Variants in INPP4B observed in about 807,000 individuals in gnomAD.
INPP4B encodes the protein inositol polyphosphate-4-phosphatase type II B, also known as inositol polyphosphate 4-phosphatase type II.
A neutral mutation model predicts 122.5 loss-of-function variants in INPP4B; 55 were observed. The ratio of observed to expected loss-of-function variants is 0.45; its 90% CI spans 0.36 to 0.56. INPP4B has a LOEUF of 0.56. Among genes scored for constraint, INPP4B ranks in the 20% least tolerant of loss-of-function variants. The pLI, the probability that INPP4B is intolerant of heterozygous loss-of-function variation, is 0.00. For missense variants in INPP4B, 1,000 were observed against 1,097.7 expected, an observed-to-expected ratio of 0.91 and a Z score of 1.26; for synonymous variants, 403 against 388.7, an observed-to-expected ratio of 1.04 and a Z score of -0.43.
chr4:142,771,278 TG>T (rs1773021996), intron 1 of INPP4B, among the ~76,000 whole-genome samples: 1 of 152,136 alleles, frequency 6.6e-6, no homozygotes, highest in Admixed American at 6.6e-5. Context: ...TCAGATTAAG[TG>T]GGCCATTGGA....
At chr4:142,329,134 A>T (rs564861426) in intron 7 of INPP4B, among the ~76,000 whole-genome samples, 6 of 152,362 alleles carry the variant, frequency 3.9e-5, no homozygotes, top group African/African-American at 1.4e-4. Flanking sequence ...AGACATGGAC[A>T]ATATCAAAAT....
chr4:142,382,563 G>T, intron 7 of INPP4B, among the ~76,000 whole-genome samples: 1 of 108,170 alleles, frequency 9.2e-6, no homozygotes. Context: ...TTACATTTAT[G>T]TTTATATATT....
intron 8 of INPP4B, 89 bp downstream of exon 8, chr4:142,314,623 G>T: frequency 8.3e-7 from 1 of 1,206,664 alleles, no homozygotes; most frequent in Non-Finnish European, 1.2e-6. Flanking sequence ...AATTTTATTT[G>T]TCAGTTACCA....
At chr4:142,729,256 C>T (rs1324583630) in intron 1 of INPP4B, among the ~76,000 whole-genome samples, 1 of 152,186 alleles carries the variant, frequency 6.6e-6, no homozygotes, top group Non-Finnish European at 1.5e-5. Flanking sequence ...TAACAGGCCA[C>T]AGACAGTTAC....
intron 9 of INPP4B, among the ~76,000 whole-genome samples, chr4:142,294,829 C>CAAAAAAAAAAAACAAAAAAA (rs1757912206): frequency 3.5e-5 from 1 of 28,462 alleles, no homozygotes. Flanking sequence ...GACTCCGTCT[C>CAAAAAAAAAAAACAAAAAAA]AAAAAAAAAA....
At chr4:142,349,652 C>G (rs1284549632) in intron 7 of INPP4B, among the ~76,000 whole-genome samples, 1 of 151,888 alleles carries the variant, frequency 6.6e-6, no homozygotes, top group Non-Finnish European at 1.5e-5. Flanking sequence ...TATATATCCA[C>G]AAAATACTCT....
intron 1 of INPP4B, among the ~76,000 whole-genome samples, chr4:142,839,907 T>A (rs993302737): frequency 1.3e-5 from 2 of 152,224 alleles, no homozygotes; most frequent in Non-Finnish European, 2.9e-5. Context: ...AATAGCCACA[T>A]CCAGTGAACA....
chr4:142,650,163 T>C (rs578058094), intron 2 of INPP4B, among the ~76,000 whole-genome samples: 316 of 152,250 alleles, frequency 2.1e-3, no homozygotes, highest in African/African-American at 7.0e-3. Flanking sequence ...GACAAGCAAA[T>C]GCTGAGAGAT....
chr4:142,575,097 G>T (rs1418003876), intron 2 of INPP4B, among the ~76,000 whole-genome samples: 1 of 152,034 alleles, frequency 6.6e-6, no homozygotes, highest in African/African-American at 2.4e-5. Flanking sequence ...AGGATCGAAA[G>T]AAGGAAAATT....
At chr4:142,607,663 G>T (rs1032271746) in intron 2 of INPP4B, among the ~76,000 whole-genome samples, 3 of 152,088 alleles carry the variant, frequency 2.0e-5, no homozygotes, top group African/African-American at 7.2e-5. Flanking sequence ...TCTGTGTACA[G>T]ATTTATAGTA....
At chr4:142,284,023 C>A (rs537997682) in intron 9 of INPP4B, among the ~76,000 whole-genome samples, 4 of 152,030 alleles carry the variant, frequency 2.6e-5, no homozygotes, top group African/African-American at 9.6e-5. Context: ...GGCAGATATC[C>A]CAAGGAAGAG....
chr4:142,251,376 A>T (rs1333750459), intron 11 of INPP4B, among the ~76,000 whole-genome samples: 1 of 152,224 alleles, frequency 6.6e-6, no homozygotes, highest in Non-Finnish European at 1.5e-5. Context: ...GAATGACATA[A>T]ATTATGGTTT....
chr4:142,769,098 A>C (rs1166899401), intron 1 of INPP4B, among the ~76,000 whole-genome samples: 1 of 152,200 alleles, frequency 6.6e-6, no homozygotes, highest in East Asian at 1.9e-4. Flanking sequence ...TGGAAATTAA[A>C]GAATCATGTT....
intron 22 of INPP4B, among the ~76,000 whole-genome samples, chr4:142,109,833 G>A (rs749436268): frequency 3.9e-5 from 6 of 152,084 alleles, no homozygotes; most frequent in East Asian, 1.9e-4. Flanking sequence ...ATAGGAAGCC[G>A]ATTCCACGCT....
chr4:142,238,084 C>T (rs1857439919), intron 11 of INPP4B, 73 bp from the exon 12 acceptor site: 1 of 682,586 alleles, frequency 1.5e-6, no homozygotes, highest in Non-Finnish European at 2.4e-6. Flanking sequence ...ATTAATAAAA[C>T]CATTAATCAA....
intron 7 of INPP4B, among the ~76,000 whole-genome samples, chr4:142,372,782 T>A (rs1790389412): frequency 6.6e-6 from 1 of 151,992 alleles, no homozygotes; most frequent in Non-Finnish European, 1.5e-5. Flanking sequence ...AGCTGAAGTG[T>A]CTCCTCTCTA....
chr4:142,274,944 C>A (rs1430650794), intron 9 of INPP4B, among the ~76,000 whole-genome samples: 1 of 151,730 alleles, frequency 6.6e-6, no homozygotes, highest in African/African-American at 2.4e-5. Flanking sequence ...AAATATTTAA[C>A]CACAACAAAA....
intron 2 of INPP4B, among the ~76,000 whole-genome samples, chr4:142,565,811 A>G (rs1462172352): frequency 6.6e-6 from 1 of 152,212 alleles, no homozygotes. Flanking sequence ...ATAAATTGAC[A>G]TCAAGAGTCT....
Position 142,581,538 on chromosome 4 carries a change from ATAGAAGTT to A in INPP4B, c.-190-118820_-190-118813del, listed in dbSNP as rs1391490396. 6.6e-5 allele frequency among the ~76,000 whole-genome samples: 6 copies of A among 91,092 alleles called. 1 individual carries two copies. Among genetic ancestry groups the A allele is most frequent in the Non-Finnish European group, 1.2e-4 (5 of 43,114 alleles). 59.8% of individuals were successfully genotyped at this position (91,092 alleles called of 152,430 possible). A position where few individuals can be genotyped will look rare whatever the true frequency, so the allele number is the denominator to read the frequency against. Reference sequence around the variant, plus strand: ...TTCCATTTCTATCTATTAGAAATAGATAGAAGTTCCATTTCTATCTATTAGAAATAGAT... The same window carrying A: ...TTCCATTTCTATCTATTAGAAATAGACCATTTCTATCTATTAGAAATAGAT... On this transcript the variant is annotated intron_variant, in intron 2 of 25. Coordinates refer to ENST00000262992, the MANE Select transcript of INPP4B (RefSeq NM_001101669.3).
Sources: gnomAD v4.1 joint callset for allele counts (sites outside exome capture counted in the v4.1 genomes callset) on GRCh38, gnomAD v4.1.1 for gene constraint, MANE v1.5 for transcripts, NCBI Gene and HGNC (gene_info 2026-07-23, HGNC 2026-07-21) for gene names.